LMTK3: variants seen among roughly 807,000 people sequenced by gnomAD.
The protein encoded by LMTK3 is serine/threonine-protein kinase LMTK3.
In LMTK3, 27 loss-of-function variants were observed where a neutral mutation model predicts 116.7. The observed-to-expected ratio is 0.23, with a 90% CI of 0.17 to 0.32. The LOEUF (loss-of-function observed/expected upper bound fraction) is 0.32, where lower values mean the gene tolerates loss of function less well. LMTK3 is among the 10% of genes least tolerant of loss of function. The probability of loss-of-function intolerance (pLI) is 1.00; values close to 1 mark genes in which losing one functional copy is unlikely to be tolerated. For synonymous variants in LMTK3, 965 were observed against 971.0 expected (o/e 0.99, Z 0.11); for missense variants, 1,764 against 2,068.5 (o/e 0.85, Z 2.86).
intron 10 of LMTK3, 63 bp from the exon 11 acceptor site, chr19:48,499,980 AGGGGACAGACAACCAGAGAGAG>A (rs1972433651): frequency 1.1e-5 from 16 of 1,468,814 alleles, no homozygotes; most frequent in Non-Finnish European, 1.4e-5. Context: ...AGACCCAGGG[AGGGGACAGACAACCAGAGAGAG>A]GGGGACAGAG....
At chr19:48,487,759 C>G (rs928045664) in intron 14 of LMTK3, among the ~76,000 whole-genome samples, 1 of 152,124 alleles carries the variant, frequency 6.6e-6, no homozygotes, top group African/African-American at 2.4e-5. Context: ...TATCAGGCTC[C>G]CTCATGCTCC....
At position 48,510,044 on chromosome 19, in the gene LMTK3, C is replaced by T; in HGVS notation, c.340G>A (p.Ala114Thr). ...PLAEVSLPMP[A>T]PQPSHSDMTT... ...GTACCTGAGTGTGAAGGCTGCGGGG[C>T]AGGCATTGGCAGGGAGACCTCAGCC... Residue 114 changes from alanine (A) to threonine (T), a missense_variant, in exon 3 of 15, where the codon GCC (alanine) becomes ACC (threonine). Coordinates refer to ENST00000600059, the MANE Select transcript of LMTK3 (RefSeq NM_001388485.1). The T allele has an allele frequency of 6.2e-7, 1 of 1,613,932 alleles. No individual in the cohort carries two copies. The highest frequency in any genetic ancestry group is 8.5e-7 in the Non-Finnish European group (1 of 1,179,864).
rs1446152511 is a variant in LMTK3, at chr19:48,498,136, T to C, written c.2933A>G (p.Glu978Gly). 1 of 1,611,862 alleles carries C rather than the reference T, an allele frequency of 6.2e-7. No homozygotes were observed. Among genetic ancestry groups the C allele is most frequent in the Admixed American group, 1.7e-5 (1 of 59,854 alleles). Residue 978 changes from glutamate to glycine, a missense_variant, in exon 11 of 15, where the codon GAG becomes GGG. Physicochemically the swap from Glu to Gly is moderately conservative, Grantham distance 98 (BLOSUM62 -2). Around this residue, in one of 7 missense-constraint regions of LMTK3, gnomAD observed 1,028 missense variants for 1,050.6 expected, o/e 0.98. Coordinates refer to ENST00000600059, the MANE Select transcript of LMTK3 (RefSeq NM_001388485.1). ...RREEKALENGELRSPEAGEKV... is the reference protein window; with the variant it reads ...RREEKALENGGLRSPEAGEKV... ...CTCCCCGGCCTCTGGGGACCTCAGCTCCCCATTCTCCAGCGCTTTCTCCTC... is the reference window on the plus strand; with the variant it reads ...CTCCCCGGCCTCTGGGGACCTCAGCCCCCCATTCTCCAGCGCTTTCTCCTC...
At position 48,493,827 on chromosome 19, in the gene LMTK3, G is replaced by C; in HGVS notation, c.3959C>G (p.Ala1320Gly). ...PVPVVVSSAD[A>G]DAARPLRGLL... ...CCCCCGCAGCGGGCGGGCCGCGTCC[G>C]CGTCGGCGCTGCTCACCACGACGGG... The change falls in exon 12 of 15, where the codon GCG becomes GGG. Residue 1320 changes from alanine to glycine, a missense_variant. Transcript: ENST00000600059. 6.7e-7 allele frequency: 1 copy of C among 1,488,920 alleles called. No individual in the cohort carries two copies. Among genetic ancestry groups the C allele is most frequent in the Non-Finnish European group, 8.9e-7 (1 of 1,120,114 alleles). 92.2% of individuals were successfully genotyped at this position (1,488,920 alleles called of 1,614,324 possible).
In LMTK3 at chr19:48,491,163, C is replaced by T. The variant is rs769851424; in HGVS notation, c.4311G>A (p.Ser1437=). The T allele has an allele frequency of 3.7e-6, 5 of 1,364,682 alleles. No individual in the cohort carries two copies. The highest frequency in any genetic ancestry group is 6.9e-5 in the Admixed American group (2 of 28,876). The allele number at this position is 1,364,682 out of a possible 1,614,324, so 84.5% of individuals were successfully genotyped here. ...GTGGCCCCGGGGTCTCCAGCGCAGG[C>T]GAGACGGAGAAGCGGGAGAAGCACA... The part of the protein sequence containing the change: ...PPLCFSRFSV[S]PALETPGPPA... Residue 1437 remains serine, a synonymous_variant, in exon 14 of 15, where the codon TCG becomes TCA. Transcript: ENST00000600059. This position sits in a 1 kb window ranked among gnomAD's most constrained non-coding sequence, Gnocchi z 5.1.
rs1972452739 is a variant in LMTK3, at chr19:48,500,895, G to A, written c.1151+101C>T. The A allele has an allele frequency of 8.1e-7, 1 of 1,231,838 alleles. No individual in the cohort carries two copies. Among genetic ancestry groups the A allele is most frequent in the Admixed American group, 3.0e-5 (1 of 33,356 alleles). 76.3% of individuals were successfully genotyped at this position (1,231,838 alleles called of 1,614,324 possible). On this transcript the variant is annotated intron_variant, in intron 10 of 14. Transcript: ENST00000600059. This position sits in a 1 kb window ranked among gnomAD's most constrained non-coding sequence, Gnocchi z 4.0. ...CCTCTTCACTCTTGAGGGGTATGGA[G>A]GGCAAACGGGATGTGGGTGATGTGG...
In LMTK3 at chr19:48,499,018, TC is replaced by T; in HGVS notation, c.2050del (p.Glu684SerfsTer6). The T allele has an allele frequency of 6.9e-7, 1 of 1,450,134 alleles. No individual in the cohort carries two copies. Among genetic ancestry groups the T allele is most frequent in the South Asian group, 1.4e-5 (1 of 72,854 alleles). 89.8% of individuals were successfully genotyped at this position (1,450,134 alleles called of 1,614,324 possible). ...CCAGCCTGCTACGGCGTCCCCCCGC[TC>T]CAGTGGCAGGCAGGAGCAGGCCCCC... The part of the protein sequence containing the change: ...REGACSCLPL[E>X]RGDAVAGWGG... On this transcript the variant is annotated frameshift_variant, in exon 11 of 15. Coordinates refer to ENST00000600059, the MANE Select transcript of LMTK3 (RefSeq NM_001388485.1). LOFTEE classifies it high-confidence loss of function.
In LMTK3 at chr19:48,501,508, T is replaced by C. The variant is rs748669968; in HGVS notation, c.849A>G (p.Gly283=). 6.2e-6 allele frequency: 10 copies of C among 1,612,398 alleles called. No homozygotes were observed. The highest frequency in any genetic ancestry group is 3.3e-5 in the South Asian group (3 of 90,896). The change falls in exon 8 of 15, where the codon GGA becomes GGG. Residue 283 remains glycine, a synonymous_variant. Transcript: ENST00000600059. ...LLTSDLTVRI[G]DYGLAHSNYK... ...AGTTGCTGTGGGCCAGCCCGTAGTC[T>C]CCGATGCGCACGGTCAGGTCAGAGG...
Position 48,499,003 on chromosome 19 carries a change from A to G in LMTK3, c.2066T>C (p.Val689Ala). The change falls in exon 11 of 15, where the codon GTA (valine) becomes GCA (alanine). Residue 689 changes from valine (V) to alanine (A), a missense_variant. By Grantham distance (64) the Val-to-Ala change is moderately conservative. This residue lies in a region of LMTK3 where 1,028 missense variants were observed against 1,050.6 expected (regional missense o/e 0.98). Coordinates refer to ENST00000600059, the MANE Select transcript of LMTK3 (RefSeq NM_001388485.1). The part of the protein sequence containing the change: ...SCLPLERGDA[V>A]AGWGGHPALG... ...AGCAGGGTGGCCTCCCCAGCCTGCTACGGCGTCCCCCCGCTCCAGTGGCAG... is the reference window on the plus strand; with the variant it reads ...AGCAGGGTGGCCTCCCCAGCCTGCTGCGGCGTCCCCCCGCTCCAGTGGCAG... 1.4e-6 allele frequency: 2 copies of G among 1,413,212 alleles called. No homozygotes were observed. Among genetic ancestry groups the G allele is most frequent in the Non-Finnish European group, 1.8e-6 (2 of 1,082,324 alleles). The allele number at this position is 1,413,212 out of a possible 1,614,324, so 87.5% of individuals were successfully genotyped here. A position where few individuals can be genotyped will look rare whatever the true frequency, so the allele number is the denominator to read the frequency against.
chr19:48,497,501 C>A lies in LMTK3; in HGVS notation c.3568G>T (p.Ala1190Ser). The A allele has an allele frequency of 6.9e-7, 1 of 1,458,824 alleles. No individual in the cohort carries two copies. Among genetic ancestry groups the A allele is most frequent in the South Asian group, 1.5e-5 (1 of 67,622 alleles). 90.4% of individuals were successfully genotyped at this position (1,458,824 alleles called of 1,614,324 possible). A position where few individuals can be genotyped will look rare whatever the true frequency, so the allele number is the denominator to read the frequency against. ...GGGGGGTCCCCGTCTCCGCTGAGTG[C>A]CGTGTCTCCGCCGGCCCTGCTGTCT... ...APDSRAGGDT[A>S]LSGDGDPPKP... is the part of the protein sequence containing the mutation. The change falls in exon 11 of 15, where the codon GCA becomes TCA. Residue 1190 changes from alanine (A) to serine (S), a missense_variant. This residue lies in a region of LMTK3 where 1,028 missense variants were observed against 1,050.6 expected (regional missense o/e 0.98). Transcript: ENST00000600059. This position sits in a 1 kb window ranked among gnomAD's most constrained non-coding sequence, Gnocchi z 5.7.
chr19:48,510,260 A>C, intron 2 of LMTK3, 87 bp from the exon 3 acceptor site: 1 of 1,501,636 alleles, frequency 6.7e-7, no homozygotes, highest in Non-Finnish European at 9.1e-7. Flanking sequence ...TCTCCCCTTC[A>C]TTTTTGTAAC....
At chr19:48,486,705 T>G (rs1972130322) in intron 14 of LMTK3, among the ~76,000 whole-genome samples, 1 of 151,712 alleles carries the variant, frequency 6.6e-6, no homozygotes, top group Non-Finnish European at 1.5e-5. Context: ...GCCCGGCTAA[T>G]TTTTTGTAGT....
Position 48,499,480 on chromosome 19 carries a change from C to T in LMTK3, c.1589G>A (p.Arg530His). 1 of 1,347,198 alleles carries T rather than the reference C, an allele frequency of 7.4e-7. No homozygotes were observed. Among genetic ancestry groups the T allele is most frequent in the Non-Finnish European group, 9.7e-7 (1 of 1,034,456 alleles). 83.5% of individuals were successfully genotyped at this position (1,347,198 alleles called of 1,614,324 possible). A position where few individuals can be genotyped will look rare whatever the true frequency, so the allele number is the denominator to read the frequency against. The stretch of plus-strand genomic sequence containing the variant: ...GTACTCGCTGCTCACGGAGGGGCTG[C>T]GGGCGCTGATGACAGGCAGCACGCT... ...TPSVLPVISA[R>H]SPSVSSEYYI... The change falls in exon 11 of 15, where the codon CGC becomes CAC. Residue 530 changes from arginine to histidine, a missense_variant. Physicochemically the swap from Arg to His is conservative, Grantham distance 29. This residue lies in a region of LMTK3 where 1,028 missense variants were observed against 1,050.6 expected (regional missense o/e 0.98). Transcript: ENST00000600059.
chr19:48,504,019 C>T (rs1238923421), intron 5 of LMTK3, among the ~76,000 whole-genome samples: 1 of 152,162 alleles, frequency 6.6e-6, no homozygotes, highest in Non-Finnish European at 1.5e-5. Flanking sequence ...AGATGCCCGA[C>T]ACCAAGCCTG....
upstream of LMTK3, chr19:48,513,495 G>A: frequency 2.9e-6 from 1 of 339,222 alleles, no homozygotes; most frequent in Non-Finnish European, 5.5e-6. The surrounding 1 kb of genome is among the most constrained non-coding windows in gnomAD (Gnocchi z 5.6). Context: ...CCAGGCCGCC[G>A]CCGTCTCGGG....
In LMTK3 at chr19:48,511,685, C is replaced by T; in HGVS notation, c.-109G>A. The T allele has an allele frequency of 1.9e-6, 1 of 517,104 alleles. No homozygotes were observed. Among genetic ancestry groups the T allele is most frequent in the South Asian group, 3.4e-5 (1 of 29,242 alleles). The allele number at this position is 517,104 out of a possible 1,614,324, so 32.0% of individuals were successfully genotyped here. A position where few individuals can be genotyped will look rare whatever the true frequency, so the allele number is the denominator to read the frequency against. ...CCGCGCGACCCTGGCCTCCTCCCGGCCCAGGAGAGGGGCAGGAGACGCAGG... is the reference window on the plus strand; with the variant it reads ...CCGCGCGACCCTGGCCTCCTCCCGGTCCAGGAGAGGGGCAGGAGACGCAGG... On this transcript the variant is annotated 5_prime_UTR_variant, in exon 1 of 15. Coordinates refer to ENST00000600059, the MANE Select transcript of LMTK3 (RefSeq NM_001388485.1).
In LMTK3 at chr19:48,499,325, C is replaced by G; in HGVS notation, c.1744G>C (p.Glu582Gln). The change falls in exon 11 of 15, where the codon GAG becomes CAG. Residue 582 changes from glutamate (E) to glutamine (Q), a missense_variant. Physicochemically the swap from Glu to Gln is conservative, Grantham distance 29. Coordinates refer to ENST00000600059, the MANE Select transcript of LMTK3 (RefSeq NM_001388485.1). ...GGGAAGAGGGGGGAGGCCCAGGTCT[C>G]GGACACCAGCTGGGGGACCTCGGAG... is the stretch of plus-strand genomic sequence containing the variant. ...APSEVPQLVS[E>Q]TWASPLFPAP... 8 of 1,415,066 alleles carry G rather than the reference C, an allele frequency of 5.7e-6. No individual in the cohort carries two copies. The highest frequency in any genetic ancestry group is 7.4e-6 in the Non-Finnish European group (8 of 1,081,530). 87.7% of individuals were successfully genotyped at this position (1,415,066 alleles called of 1,614,324 possible). A position where few individuals can be genotyped will look rare whatever the true frequency, so the allele number is the denominator to read the frequency against.
chr19:48,492,433 C>T (rs965378907), intron 12 of LMTK3, among the ~76,000 whole-genome samples: 3 of 152,126 alleles, frequency 2.0e-5, no homozygotes, highest in Admixed American at 1.3e-4. Context: ...GTGATCCTCC[C>T]GCCTCGGCCT....
Position 48,498,207 on chromosome 19 carries a change from T to C in LMTK3, c.2862A>G (p.Arg954=). The change falls in exon 11 of 15, where the codon AGA becomes AGG. Residue 954 remains arginine (R), a synonymous_variant. Transcript: ENST00000600059. ...CCCCATTCTCCAGCACTTTCTCTTC[T>C]CTCTCGGGGGACCCCAGGGCCCCAT... ...AENGALGSPE[R]EEKVLENGEL... 1 of 1,612,360 alleles carries C rather than the reference T, an allele frequency of 6.2e-7. No individual in the cohort carries two copies. Among genetic ancestry groups the C allele is most frequent in the Non-Finnish European group, 8.5e-7 (1 of 1,179,378 alleles).
Sources: allele counts gnomAD v4.1 joint callset (sites outside exome capture counted in the v4.1 genomes callset), GRCh38; gene constraint gnomAD v4.1.1; regional missense constraint gnomAD v4.1.1; non-coding constraint Gnocchi (gnomAD v3.1); transcripts MANE v1.5; gene names NCBI Gene and HGNC (gene_info 2026-07-23, HGNC 2026-07-21).